GRID1: variants seen among roughly 807,000 people sequenced by gnomAD.
GRID1 encodes the protein glutamate ionotropic receptor delta type subunit 1.
In GRID1, 28 loss-of-function variants were observed where a neutral mutation model predicts 98.0. That is an observed-to-expected ratio of 0.29 (90% CI 0.21 to 0.39). The LOEUF is 0.39. GRID1 is among the 10% of genes least tolerant of loss of function. The pLI, the probability that GRID1 is intolerant of heterozygous loss-of-function variation, is 1.00. For missense variants in GRID1, 1,111 were observed against 1,340.5 expected (o/e 0.83, Z 2.67); for synonymous variants, 553 against 538.5 (o/e 1.03, Z -0.37).
intron 8 of GRID1, among the ~76,000 whole-genome samples, chr10:85,803,262 A>C (rs1842593751): frequency 6.6e-6 from 1 of 152,130 alleles, no homozygotes; most frequent in Non-Finnish European, 1.5e-5. Flanking sequence ...ACAAAAGATA[A>C]ATGTTTGAGA....
chr10:86,311,439 G>A (rs12265807), intron 2 of GRID1, among the ~76,000 whole-genome samples: 9,512 of 152,194 alleles, frequency 0.062, 538 homozygotes, highest in African/African-American at 0.15. Flanking sequence ...TGTATCATGG[G>A]GTGTGGCTCC....
At position 86,366,043 on chromosome 10, in the gene GRID1, T is replaced by C. The variant is rs550427189; in HGVS notation, c.79+271A>G. Among the ~76,000 whole-genome samples, 1 of 151,984 alleles carries C rather than the reference T, an allele frequency of 6.6e-6. No individual in the cohort carries two copies. The highest frequency in any genetic ancestry group is 2.0e-4 in the East Asian group (1 of 5,110). On this transcript the variant is annotated intron_variant, in intron 1 of 15. Transcript: ENST00000327946. This position sits in a 1 kb window ranked among gnomAD's most constrained non-coding sequence, Gnocchi z 4.1. ...GGGCGCGGGTCTCGACGCGCGTCCATCCCGGTGTTCCCCGAAGCGTCGGCC... is the reference window on the plus strand; with the variant it reads ...GGGCGCGGGTCTCGACGCGCGTCCACCCCGGTGTTCCCCGAAGCGTCGGCC...
intron 4 of GRID1, among the ~76,000 whole-genome samples, chr10:85,922,176 C>A (rs923185009): frequency 6.6e-6 from 1 of 152,204 alleles, no homozygotes; most frequent in African/African-American, 2.4e-5. Context: ...GGCCCCGTAA[C>A]AATGGGAACA....
chr10:85,843,780 A>T (rs1316305498), intron 8 of GRID1, among the ~76,000 whole-genome samples: 2 of 152,148 alleles, frequency 1.3e-5, no homozygotes, highest in Non-Finnish European at 2.9e-5. Flanking sequence ...AAATAGTGAT[A>T]TCACAAAATG....
chr10:86,254,749 T>A (rs182605694), intron 2 of GRID1, among the ~76,000 whole-genome samples: 231 of 152,320 alleles, frequency 1.5e-3, no homozygotes, highest in African/African-American at 4.9e-3. Context: ...GGGCTGCCCA[T>A]CACCTGTCAG....
intron 3 of GRID1, among the ~76,000 whole-genome samples, chr10:86,162,751 T>A (rs1478690680): frequency 3.3e-5 from 5 of 152,146 alleles, no homozygotes; most frequent in African/African-American, 9.7e-5. Context: ...AAATCATTCC[T>A]CTTGGCTTTA....
At chr10:85,777,334 G>A (rs1489244286) in intron 8 of GRID1, among the ~76,000 whole-genome samples, 1 of 152,162 alleles carries the variant, frequency 6.6e-6, no homozygotes, top group African/African-American at 2.4e-5. Flanking sequence ...CCAGCCTACT[G>A]TCCACTCAAC....
At chr10:86,089,224 T>A (rs952101986) in intron 4 of GRID1, among the ~76,000 whole-genome samples, 1 of 152,184 alleles carries the variant, frequency 6.6e-6, no homozygotes, top group African/African-American at 2.4e-5. Context: ...GTGAAGGCCA[T>A]CTGGGGAGCA....
At chr10:85,929,331 C>T (rs899333884) in intron 4 of GRID1, among the ~76,000 whole-genome samples, 1 of 152,158 alleles carries the variant, frequency 6.6e-6, no homozygotes, top group South Asian at 2.1e-4. Flanking sequence ...TTGGGGTCCA[C>T]CGAAGGTGTC....
At chr10:85,735,798 G>A (rs60829940) in intron 8 of GRID1, among the ~76,000 whole-genome samples, 18,104 of 151,110 alleles carry the variant, frequency 0.12, 1,237 homozygotes, top group Middle Eastern at 0.22. Context: ...GAGAGGAAGG[G>A]AGGAAGGAAG....
chr10:85,946,036 A>T (rs979857741), intron 4 of GRID1, among the ~76,000 whole-genome samples: 1 of 152,250 alleles, frequency 6.6e-6, no homozygotes, highest in Non-Finnish European at 1.5e-5. Flanking sequence ...TCTGCCAGGT[A>T]GCATTCAATT....
rs548364746 is a variant in GRID1, at chr10:86,265,041, C to T, written c.236-58393G>A. On this transcript the variant is annotated intron_variant, in intron 2 of 15. Transcript: ENST00000327946. ...TTAAGCAAGACAAGTGGCATGGGCACGGAGAGGCTCCCCTGGCCACACACT... is the reference window on the plus strand; with the variant it reads ...TTAAGCAAGACAAGTGGCATGGGCATGGAGAGGCTCCCCTGGCCACACACT... 9.2e-5 allele frequency among the ~76,000 whole-genome samples: 14 copies of T among 152,362 alleles called. No homozygotes were observed. The South Asian group carries it at 2.1e-3, about 23-fold the overall frequency.
intron 12 of GRID1, among the ~76,000 whole-genome samples, chr10:85,715,020 T>C (rs1841623156): frequency 6.6e-6 from 1 of 152,074 alleles, no homozygotes; most frequent in African/African-American, 2.4e-5. Flanking sequence ...TAAAACAATA[T>C]AGTATTGGCA....
intron 4 of GRID1, among the ~76,000 whole-genome samples, chr10:86,009,319 C>T (rs1298786239): frequency 6.6e-6 from 1 of 152,052 alleles, no homozygotes; most frequent in African/African-American, 2.4e-5. Flanking sequence ...CCCAAGCAAC[C>T]CACAGTGAGA....
chr10:85,884,513 T>G (rs536516753), intron 5 of GRID1, among the ~76,000 whole-genome samples: 2 of 152,354 alleles, frequency 1.3e-5, no homozygotes, highest in South Asian at 4.1e-4. Flanking sequence ...TTTGGCCAAA[T>G]CTGAATTGTA....
intron 4 of GRID1, among the ~76,000 whole-genome samples, chr10:86,078,946 C>G (rs548603220): frequency 1.3e-5 from 2 of 151,796 alleles, no homozygotes; most frequent in South Asian, 4.2e-4. Context: ...TGTGTAGACT[C>G]AGGTCCACCC....
Position 85,967,507 on chromosome 10 carries a change from G to T in GRID1, c.727-51268C>A, listed in dbSNP as rs188052078. ...ATTCAATATAAATTGTCCCATGGGG[G>T]ACAGTTGTTGAAATTAGTACCCAAA... On this transcript the variant is annotated intron_variant, in intron 4 of 15. Coordinates refer to ENST00000327946, the MANE Select transcript of GRID1 (RefSeq NM_017551.3). 2.0e-4 allele frequency among the ~76,000 whole-genome samples: 31 copies of T among 152,292 alleles called. No homozygotes were observed. The East Asian group carries it at 5.6e-3, about 27-fold the overall frequency.
At chr10:85,910,891 A>G (rs1172862819) in intron 5 of GRID1, among the ~76,000 whole-genome samples, 1 of 152,212 alleles carries the variant, frequency 6.6e-6, no homozygotes, top group Non-Finnish European at 1.5e-5. Flanking sequence ...TGTTAAGCAG[A>G]TGTCTGCAAG....
chr10:85,820,432 C>T (rs1164858930), intron 8 of GRID1, among the ~76,000 whole-genome samples: 1 of 152,080 alleles, frequency 6.6e-6, no homozygotes, highest in Non-Finnish European at 1.5e-5. Flanking sequence ...TCTAGTGTTC[C>T]ACTATTGGGA....
Sources: gnomAD v4.1 joint callset for allele counts (sites outside exome capture counted in the v4.1 genomes callset) on GRCh38, gnomAD v4.1.1 for gene constraint, Gnocchi (gnomAD v3.1) non-coding constraint, MANE v1.5 for transcripts, NCBI Gene and HGNC (gene_info 2026-07-23, HGNC 2026-07-21) for gene names.